The following HSPA12A variants were observed in gnomAD, a reference collection of about 807,000 sequenced individuals.
HSPA12A encodes heat shock 70 kDa protein 12A.
A neutral mutation model predicts 69.2 loss-of-function variants in HSPA12A; 28 were observed. The observed-to-expected ratio is 0.40, with a 90% CI of 0.30 to 0.55. The LOEUF (loss-of-function observed/expected upper bound fraction) is 0.55, where lower values mean the gene tolerates loss of function less well. Ranked by LOEUF, HSPA12A falls within the 20% of genes least tolerant of loss-of-function variation. The probability of loss-of-function intolerance (pLI) is 0.38; values close to 1 mark genes in which losing one functional copy is unlikely to be tolerated. For missense variants in HSPA12A, 686 were observed against 900.7 expected (o/e 0.76, Z 3.05); for synonymous variants, 345 against 370.5 (o/e 0.93, Z 0.79).
intron 5 of HSPA12A, among the ~76,000 whole-genome samples, chr10:116,692,731 A>G (rs781866349): frequency 6.6e-6 from 1 of 152,176 alleles, no homozygotes; most frequent in Non-Finnish European, 1.5e-5. Context: ...CCACTTCCTA[A>G]TCATGTGACT....
intron 2 of HSPA12A, among the ~76,000 whole-genome samples, chr10:116,790,794 G>A (rs191456841): frequency 2.4e-4 from 36 of 152,074 alleles, no homozygotes; most frequent in Admixed American, 8.5e-4. Flanking sequence ...AGGTTCAAGC[G>A]ATTCTCCTGT....
chr10:116,749,336 C>G (rs973102731), intron 2 of HSPA12A, among the ~76,000 whole-genome samples: 4 of 152,202 alleles, frequency 2.6e-5, no homozygotes, highest in African/African-American at 9.6e-5. Context: ...GGGCATTGCT[C>G]TGGGAACCTC....
intron 5 of HSPA12A, among the ~76,000 whole-genome samples, chr10:116,694,346 T>C (rs1589634765): frequency 6.6e-6 from 1 of 152,310 alleles, no homozygotes; most frequent in East Asian, 1.9e-4. Flanking sequence ...AGCCAGCCCC[T>C]GGCAAGGTCT....
chr10:116,811,631 T>C (rs559635003), intron 2 of HSPA12A, among the ~76,000 whole-genome samples: 1 of 149,514 alleles, frequency 6.7e-6, no homozygotes, highest in African/African-American at 2.5e-5. Context: ...CCCCATCCCC[T>C]GTCTCCTCTT....
chr10:116,808,698 C>T (rs1845116204), intron 2 of HSPA12A, among the ~76,000 whole-genome samples: 1 of 152,178 alleles, frequency 6.6e-6, no homozygotes. Flanking sequence ...CATGATTGTG[C>T]TGCCATCTTT....
chr10:116,761,417 C>T (rs896405282), intron 2 of HSPA12A, among the ~76,000 whole-genome samples: 28 of 148,240 alleles, frequency 1.9e-4, no homozygotes, highest in African/African-American at 5.5e-4. Flanking sequence ...ATCTGGGAGA[C>T]GGAGATTGCA....
intron 2 of HSPA12A, among the ~76,000 whole-genome samples, chr10:116,761,628 T>G (rs542211075): frequency 1.5e-4 from 22 of 150,998 alleles, no homozygotes; most frequent in Admixed American, 4.0e-4. Context: ...CACGTCTGGC[T>G]GGAGGATAGC....
Position 116,681,803 on chromosome 10 carries a change from C to G in HSPA12A, c.910G>C (p.Glu304Gln), listed in dbSNP as rs199981914. 2 of 1,613,974 alleles carry G rather than the reference C, an allele frequency of 1.2e-6. No homozygotes were observed. The highest frequency in any genetic ancestry group is 1.3e-5 in the African/African-American group (1 of 75,040). The change falls in exon 8 of 12, where the codon GAG (glutamate) becomes CAG (glutamine). Residue 304 changes from glutamate (E) to glutamine (Q), a missense_variant. By Grantham distance (29) the Glu-to-Gln change is conservative. Coordinates refer to ENST00000369209, the MANE Select transcript of HSPA12A (RefSeq NM_025015.3). ...VENVIGEIWS[E>Q]LEEGDKYVVV... ...TGAAGGACGCTACCTTCCTCCAGCTCGGACCAGATTTCTCCTATGACATTC... is the reference window on the plus strand; with the variant it reads ...TGAAGGACGCTACCTTCCTCCAGCTGGGACCAGATTTCTCCTATGACATTC...
chr10:116,742,892 C>T (rs1228342938), upstream of HSPA12A, among the ~76,000 whole-genome samples: 1 of 152,070 alleles, frequency 6.6e-6, no homozygotes, highest in Non-Finnish European at 1.5e-5. Context: ...CGCGGCGCGT[C>T]CCCTCTTTGG....
At chr10:116,754,406 C>A (rs1843785158) in intron 2 of HSPA12A, among the ~76,000 whole-genome samples, 1 of 152,084 alleles carries the variant, frequency 6.6e-6, no homozygotes, top group African/African-American at 2.4e-5. Flanking sequence ...TGATAAAGTT[C>A]TAAGTTTAGA....
chr10:116,747,860 A>G (rs570586683), intron 2 of HSPA12A, among the ~76,000 whole-genome samples: 1 of 152,178 alleles, frequency 6.6e-6, no homozygotes, highest in African/African-American at 2.4e-5. Context: ...TTAGCTGGGC[A>G]TGGTGGTGCG....
intron 1 of HSPA12A, among the ~76,000 whole-genome samples, chr10:116,727,522 A>T (rs1851006802): frequency 6.6e-6 from 1 of 152,192 alleles, no homozygotes; most frequent in Non-Finnish European, 1.5e-5. Context: ...GAGATGACAC[A>T]AGGGTGTGAG....
chr10:116,714,176 G>A (rs1850536440), intron 1 of HSPA12A, among the ~76,000 whole-genome samples: 1 of 152,058 alleles, frequency 6.6e-6, no homozygotes, highest in Non-Finnish European at 1.5e-5. Flanking sequence ...GACTTTTTAT[G>A]TGTACCCAAA....
chr10:116,837,717 A>G (rs963743200), intron 1 of HSPA12A, among the ~76,000 whole-genome samples: 3 of 152,146 alleles, frequency 2.0e-5, no homozygotes, highest in African/African-American at 7.2e-5. Context: ...AGCTAGGGCA[A>G]TAACACATAC....
intron 2 of HSPA12A, among the ~76,000 whole-genome samples, chr10:116,756,835 G>C (rs1393476450): frequency 2.0e-5 from 3 of 152,166 alleles, no homozygotes; most frequent in African/African-American, 7.2e-5. Context: ...TGGAAAACAA[G>C]AGAATACAAC....
rs145161816 is a variant in HSPA12A, at chr10:116,800,284, C to A, written c.91+34651G>T. 7.8e-4 allele frequency among the ~76,000 whole-genome samples: 119 copies of A among 152,290 alleles called. 1 individual carries two copies. Among genetic ancestry groups the A allele is most frequent in the African/African-American group, 2.4e-3 (98 of 41,554 alleles). On this transcript the variant is annotated intron_variant, in intron 2 of 12. Coordinates refer to the HSPA12A transcript ENST00000635765. ...GCCCCAGCCTCTCCCCCAACTTACC[C>A]CCAGTTCTGAGAGCTGATGACCCTC...
rs530172054 is a variant in HSPA12A, at chr10:116,732,871, G to A, written c.40+9559C>T. Among the ~76,000 whole-genome samples, 6 of 152,250 alleles carry A rather than the reference G, an allele frequency of 3.9e-5. No individual in the cohort carries two copies. In the South Asian group the frequency reaches 1.2e-3, roughly 32 times the overall value. ...AGTTCAGCTGGAAAGCATGCAGAGG[G>A]AGTCGGCAGACCTCGATTCTGAGCC... On this transcript the variant is annotated intron_variant, in intron 1 of 11. Transcript: ENST00000369209.
chr10:116,847,263 T>C (rs936332075), intron 1 of HSPA12A, among the ~76,000 whole-genome samples: 1 of 152,158 alleles, frequency 6.6e-6, no homozygotes, highest in Admixed American at 6.5e-5. Context: ...CTCAAAGCCT[T>C]TTACATCCCT....
intron 1 of HSPA12A, among the ~76,000 whole-genome samples, chr10:116,846,577 T>C (rs971597063): frequency 3.3e-5 from 5 of 152,162 alleles, no homozygotes; most frequent in Non-Finnish European, 7.4e-5. Flanking sequence ...CTTGATCTCC[T>C]GACCTCGTGA....
Sources: allele counts gnomAD v4.1 joint callset (sites outside exome capture counted in the v4.1 genomes callset), GRCh38; gene constraint gnomAD v4.1.1; transcripts MANE v1.5; gene names NCBI Gene and HGNC (gene_info 2026-07-23, HGNC 2026-07-21).